The following RIBC2 variants were observed in gnomAD, a reference collection of about 807,000 sequenced individuals.
RIBC2 encodes RIB43A domain with coiled-coils 2, also known as RIB43A-like with coiled-coils protein 2.
A neutral mutation model predicts 44.3 loss-of-function variants in RIBC2; 40 were observed. The ratio of observed to expected loss-of-function variants is 0.90; its 90% CI spans 0.70 to 1.18. The LOEUF is 1.18. Ranked by LOEUF, RIBC2 falls within the 50% of genes most tolerant of loss-of-function variation. The probability of loss-of-function intolerance (pLI) is 0.00; values close to 1 mark genes in which losing one functional copy is unlikely to be tolerated. For synonymous variants in RIBC2, 171 were observed against 175.0 expected (o/e 0.98, Z 0.18); for missense variants, 459 against 485.5 (o/e 0.95, Z 0.51).
rs766590451 is a variant in RIBC2, at chr22:45,430,907, A to G, written c.911A>G (p.Gln304Arg). 1 of 1,587,048 alleles carries G rather than the reference A, an allele frequency of 6.3e-7. No individual in the cohort carries two copies. Among genetic ancestry groups the G allele is most frequent in the South Asian group, 1.1e-5 (1 of 88,132 alleles). ...CGCCTCTTTTCCTTCCAGAGGCTCC[A>G]GGAAGAAAAGCGCCAGCGAGACCTG... is the stretch of plus-strand genomic sequence containing the variant. ...KQQIQEKLRL[Q>R]EEKRQRDLDW... is the part of the protein sequence containing the mutation. The change falls in exon 6 of 7, where the codon CAG (glutamine) becomes CGG (arginine). Residue 304 changes from glutamine to arginine, a missense_variant. Physicochemically the swap from Gln to Arg is conservative, Grantham distance 43. Coordinates refer to ENST00000614167, the MANE Select transcript of RIBC2 (RefSeq NM_015653.5).
intron 2 of RIBC2, among the ~76,000 whole-genome samples, chr22:45,416,873 C>T (rs2087429963): frequency 6.7e-6 from 1 of 148,296 alleles, no homozygotes; most frequent in South Asian, 2.2e-4. Flanking sequence ...GGTGATCATC[C>T]TTTCATAATT....
intron 5 of RIBC2, among the ~76,000 whole-genome samples, chr22:45,428,179 G>C (rs1378494224): frequency 6.6e-6 from 1 of 152,218 alleles, no homozygotes; most frequent in Non-Finnish European, 1.5e-5. Context: ...CAGCACCATG[G>C]CAGTCACCAG....
intron 1 of RIBC2, 59 bp downstream of exon 1, chr22:45,414,074 G>A: frequency 6.5e-7 from 1 of 1,542,152 alleles, no homozygotes; most frequent in Non-Finnish European, 8.8e-7. Flanking sequence ...GGGGCTGCGT[G>A]GAGGGGGAAA....
At chr22:45,422,141 C>CA (rs1265833096) in intron 3 of RIBC2, 149 bp from the exon 4 acceptor site, 2 of 680,910 alleles carry the variant, frequency 2.9e-6, no homozygotes, top group Non-Finnish European at 5.3e-6. Flanking sequence ...TTGACTCTCC[C>CA]ACAGCCTTCA....
At position 45,430,883 on chromosome 22, in the gene RIBC2, G is replaced by A. The variant is rs561296708; in HGVS notation, c.904-17G>A. On this transcript the variant is annotated splice_polypyrimidine_tract_variant and intron_variant, in intron 5 of 6. Transcript: ENST00000614167. ...CTCTGGGGAAAGGTGGTGGTGAGCCGCCTCTTTTCCTTCCAGAGGCTCCAG... is the reference window on the plus strand; with the variant it reads ...CTCTGGGGAAAGGTGGTGGTGAGCCACCTCTTTTCCTTCCAGAGGCTCCAG... The A allele has an allele frequency of 3.9e-5, 60 of 1,550,390 alleles. No homozygotes were observed. The Admixed American group carries it at 4.2e-4, about 11-fold the overall frequency.
intron 2 of RIBC2, among the ~76,000 whole-genome samples, chr22:45,415,996 A>C (rs2087421579): frequency 6.6e-6 from 1 of 152,178 alleles, no homozygotes; most frequent in Non-Finnish European, 1.5e-5. Flanking sequence ...CACCAGGCCC[A>C]GCCCCCACGC....
At chr22:45,427,426 T>A (rs1309746771) in intron 5 of RIBC2, among the ~76,000 whole-genome samples, 1 of 152,214 alleles carries the variant, frequency 6.6e-6, no homozygotes, top group Admixed American at 6.5e-5. Flanking sequence ...TGCCCCTAAC[T>A]CTAAAGAAGT....
chr22:45,428,504 AC>A (rs1177805121), intron 5 of RIBC2, among the ~76,000 whole-genome samples: 1 of 152,026 alleles, frequency 6.6e-6, no homozygotes, highest in African/African-American at 2.4e-5. Context: ...AGAGCGAGGG[AC>A]ATGGAGTGCT....
At chr22:45,419,586 T>C (rs2087458421) in intron 3 of RIBC2, among the ~76,000 whole-genome samples, 1 of 152,094 alleles carries the variant, frequency 6.6e-6, no homozygotes, top group African/African-American at 2.4e-5. Context: ...ATTAAAAAGT[T>C]AGCTGGGCAT....
chr22:45,429,566 C>T (rs2087561391), intron 5 of RIBC2, among the ~76,000 whole-genome samples: 1 of 151,996 alleles, frequency 6.6e-6, no homozygotes, highest in Admixed American at 6.6e-5. Context: ...AGCTCGTCCA[C>T]CTGCTTCCCT....
At chr22:45,419,274 A>G (rs1344966617) in intron 3 of RIBC2, among the ~76,000 whole-genome samples, 1 of 152,002 alleles carries the variant, frequency 6.6e-6, no homozygotes, top group African/African-American at 2.4e-5. Context: ...GCACGAGTCC[A>G]ATAACTCTGT....
At chr22:45,424,725 C>A (rs1009868298) in intron 4 of RIBC2, among the ~76,000 whole-genome samples, 3 of 151,298 alleles carry the variant, frequency 2.0e-5, no homozygotes, top group African/African-American at 7.3e-5. Flanking sequence ...AGGAGCAGTA[C>A]TGCCACCTCT....
chr22:45,417,557 T>C, intron 2 of RIBC2, 45 bp from the exon 3 acceptor site: 1 of 1,413,186 alleles, frequency 7.1e-7, no homozygotes, highest in Non-Finnish European at 9.7e-7. Context: ...AAATTTATTT[T>C]TTCCTCTGAA....
intron 6 of RIBC2, among the ~76,000 whole-genome samples, chr22:45,432,074 C>G (rs1391569840): frequency 6.6e-6 from 1 of 152,210 alleles, no homozygotes. Flanking sequence ...AGTCCCTAAT[C>G]TAACTGCAGT....
chr22:45,432,191 A>G, intron 6 of RIBC2, 93 bp from the exon 7 acceptor site: 1 of 673,614 alleles, frequency 1.5e-6, no homozygotes, highest in Non-Finnish European at 2.5e-6. Flanking sequence ...ACACACTAAT[A>G]AAAAGTTTGT....
chr22:45,415,199 G>GAAAAAAAAAAAA (rs10587079), intron 2 of RIBC2, among the ~76,000 whole-genome samples: 1 of 126,820 alleles, frequency 7.9e-6, no homozygotes. Flanking sequence ...AAAATAAATT[G>GAAAAAAAAAAAA]AAAAAAAAAA....
Position 45,429,087 on chromosome 22 carries a change from G to A in RIBC2, c.904-1813G>A, listed in dbSNP as rs138584719. Among the ~76,000 whole-genome samples, 19 of 152,348 alleles carry A rather than the reference G, an allele frequency of 1.2e-4. No homozygotes were observed. The East Asian group carries it at 3.7e-3, about 29-fold the overall frequency. On this transcript the variant is annotated intron_variant, in intron 5 of 6. Transcript: ENST00000614167. ...ATCATTGGAATCAGGGACTTGGAGA[G>A]AGAGTGGAAGAGACAGGTTAGAGCA...
At chr22:45,419,346 A>G (rs5765334) in intron 3 of RIBC2, among the ~76,000 whole-genome samples, 93,782 of 152,108 alleles carry the variant, frequency 0.62, 31,204 homozygotes, top group African/African-American at 0.87. Context: ...CTAGCTGCCC[A>G]GGCCCCAGCC....
In RIBC2 at chr22:45,413,742, A is replaced by C; in HGVS notation, c.-145A>C. 2 of 1,254,380 alleles carry C rather than the reference A, an allele frequency of 1.6e-6. No homozygotes were observed. The highest frequency in any genetic ancestry group is 1.9e-4 in the Middle Eastern group (1 of 5,180). 77.7% of individuals were successfully genotyped at this position (1,254,380 alleles called of 1,614,324 possible). The stretch of plus-strand genomic sequence containing the variant: ...GGAGCGTCTGTACCTCTGCGGCGTC[A>C]CTGGGAGCCCGACGGAAAACTGCGC... On this transcript the variant is annotated 5_prime_UTR_variant, in exon 1 of 7. Coordinates refer to ENST00000614167, the MANE Select transcript of RIBC2 (RefSeq NM_015653.5).
Sources: allele counts gnomAD v4.1 joint callset (sites outside exome capture counted in the v4.1 genomes callset), GRCh38; gene constraint gnomAD v4.1.1; transcripts MANE v1.5; gene names NCBI Gene and HGNC (gene_info 2026-07-23, HGNC 2026-07-21).